The following CPQ variants were observed in gnomAD, a reference collection of about 807,000 sequenced individuals.
CPQ encodes the protein Ser-Met dipeptidase.
In CPQ, 37 loss-of-function variants were observed where a neutral mutation model predicts 45.7. The observed-to-expected ratio is 0.81, with a 90% CI of 0.62 to 1.07. The LOEUF (loss-of-function observed/expected upper bound fraction) is 1.07. Among genes scored for constraint, CPQ ranks in the 50% least tolerant of loss-of-function variants. The pLI is 0.00. For synonymous variants in CPQ, 186 were observed against 205.8 expected (o/e 0.90, Z 0.82); for missense variants, 537 against 572.9 (o/e 0.94, Z 0.64).
intron 4 of CPQ, among the ~76,000 whole-genome samples, chr8:96,926,565 TCTTCC>T (rs1812879661): frequency 2.8e-5 from 3 of 108,426 alleles, no homozygotes; most frequent in Admixed American, 1.9e-4. Flanking sequence ...TTCCTCTTCC[TCTTCC>T]TCTTCCTCTT....
chr8:97,050,858 A>C (rs953879240), intron 6 of CPQ, among the ~76,000 whole-genome samples: 6 of 152,206 alleles, frequency 3.9e-5, no homozygotes, highest in African/African-American at 1.4e-4. Context: ...TACTCTACTT[A>C]TTAGTCACTT....
chr8:96,874,851 T>C (rs1176044297), intron 3 of CPQ, among the ~76,000 whole-genome samples: 1 of 151,956 alleles, frequency 6.6e-6, no homozygotes, highest in Non-Finnish European at 1.5e-5. Flanking sequence ...TTATAATATA[T>C]ACCAAGGGGT....
intron 6 of CPQ, among the ~76,000 whole-genome samples, chr8:97,055,902 C>G (rs1284262611): frequency 6.6e-6 from 1 of 152,104 alleles, no homozygotes; most frequent in African/African-American, 2.4e-5. Flanking sequence ...AAGTTCAAGA[C>G]CAGCCTGGGC....
intron 5 of CPQ, among the ~76,000 whole-genome samples, chr8:97,014,808 C>T (rs985361518): frequency 2.6e-4 from 40 of 152,006 alleles, no homozygotes; most frequent in African/African-American, 9.7e-4. Context: ...ATTTTATACA[C>T]AAGGAAAATC....
intron 3 of CPQ, among the ~76,000 whole-genome samples, chr8:96,842,069 T>A (rs1186357730): frequency 6.6e-6 from 1 of 152,178 alleles, no homozygotes; most frequent in Non-Finnish European, 1.5e-5. Context: ...CATTTTGTAA[T>A]CAGAGGGCCA....
chr8:97,000,820 T>C (rs1189504336), intron 5 of CPQ, among the ~76,000 whole-genome samples: 2 of 152,232 alleles, frequency 1.3e-5, no homozygotes, highest in African/African-American at 4.8e-5. Flanking sequence ...ATCTATAAAT[T>C]ACTTTGGGCA....
intron 6 of CPQ, among the ~76,000 whole-genome samples, chr8:97,034,427 T>C (rs530320167): frequency 1.3e-5 from 2 of 152,202 alleles, no homozygotes; most frequent in Non-Finnish European, 2.9e-5. Context: ...TTAAAGTCCT[T>C]TTCACCATGT....
chr8:97,097,805 G>GGA (rs370633853), intron 7 of CPQ, among the ~76,000 whole-genome samples: 17,530 of 150,776 alleles, frequency 0.12, 1,695 homozygotes, highest in African/African-American at 0.26. Flanking sequence ...GCCCAGACAA[G>GGA]GAGAGAGAGA....
chr8:97,047,159 T>G (rs968922211), intron 6 of CPQ, among the ~76,000 whole-genome samples: 3 of 152,236 alleles, frequency 2.0e-5, no homozygotes, highest in Non-Finnish European at 4.4e-5. Context: ...TTGATGATAG[T>G]AATGACCCTG....
intron 5 of CPQ, among the ~76,000 whole-genome samples, chr8:96,991,657 A>G (rs1464527590): frequency 6.6e-6 from 1 of 151,878 alleles, no homozygotes; most frequent in Admixed American, 6.6e-5. Flanking sequence ...TCCCTGCTAC[A>G]TTGTCAGCTG....
In CPQ at chr8:96,835,194, T is replaced by C. The variant is rs1313946085; in HGVS notation, c.641+14T>C. On this transcript the variant is annotated intron_variant, in intron 3 of 7. Transcript: ENST00000220763. The stretch of plus-strand genomic sequence containing the variant: ...CTCCATCTACAGGTTTGTCACAATG[T>C]TCATTTGAATTCCTTTCAAAAACAA... 1 of 1,415,976 alleles carries C rather than the reference T, an allele frequency of 7.1e-7. No individual in the cohort carries two copies. Among genetic ancestry groups the C allele is most frequent in the Non-Finnish European group, 9.3e-7 (1 of 1,076,320 alleles). 87.7% of individuals were successfully genotyped at this position (1,415,976 alleles called of 1,614,324 possible). A position where few individuals can be genotyped will look rare whatever the true frequency, so the allele number is the denominator to read the frequency against.
intron 4 of CPQ, among the ~76,000 whole-genome samples, chr8:96,885,286 T>G (rs1295189530): frequency 6.6e-6 from 1 of 152,206 alleles, no homozygotes; most frequent in Non-Finnish European, 1.5e-5. Context: ...CCCATTCCTT[T>G]GATAATCATA....
At chr8:97,034,040 TA>T (rs1432937232) in intron 6 of CPQ, among the ~76,000 whole-genome samples, 1 of 152,200 alleles carries the variant, frequency 6.6e-6, no homozygotes, top group East Asian at 1.9e-4. Context: ...TCAGCTCAAT[TA>T]TTATAATACG....
chr8:96,896,479 C>G (rs1812444544), intron 4 of CPQ, among the ~76,000 whole-genome samples: 1 of 152,084 alleles, frequency 6.6e-6, no homozygotes, highest in East Asian at 1.9e-4. Context: ...CATACTGACC[C>G]CCTTTTCTAA....
At chr8:96,666,387 T>A (rs1266191857) in intron 1 of CPQ, among the ~76,000 whole-genome samples, 2 of 152,098 alleles carry the variant, frequency 1.3e-5, no homozygotes, top group Non-Finnish European at 2.9e-5. Context: ...ACATTAAGAA[T>A]ACAGAAAATA....
At chr8:96,752,308 T>C (rs549272650) in intron 1 of CPQ, among the ~76,000 whole-genome samples, 2 of 152,256 alleles carry the variant, frequency 1.3e-5, no homozygotes, top group South Asian at 4.1e-4. Flanking sequence ...ATTTATTTGA[T>C]CAGTGGTTTG....
rs563854999 is a variant in CPQ, at chr8:96,950,402, T to G, written c.850-15533T>G. 2.0e-5 allele frequency among the ~76,000 whole-genome samples: 3 copies of G among 152,242 alleles called. No individual in the cohort carries two copies. In the East Asian group the frequency reaches 5.8e-4, roughly 29 times the overall value. On this transcript the variant is annotated intron_variant, in intron 4 of 7. Transcript: ENST00000220763. ...AGATTGATTTATTGACCCTGCTGTA[T>G]GCCAGGCCTTGTGAGGAATACATGG...
intron 7 of CPQ, 51 bp from the exon 8 acceptor site, chr8:97,142,969 G>A: frequency 6.4e-7 from 1 of 1,573,632 alleles, no homozygotes; most frequent in Non-Finnish European, 8.7e-7. Flanking sequence ...TGTGTATTCA[G>A]CAGTGTCTGT....
chr8:96,761,652 C>G (rs1436674435), intron 1 of CPQ, among the ~76,000 whole-genome samples: 1 of 152,150 alleles, frequency 6.6e-6, no homozygotes, highest in Admixed American at 6.5e-5. Flanking sequence ...TTCTGTGTGA[C>G]CTTGAGCACA....
Sources: gnomAD v4.1 joint callset for allele counts (sites outside exome capture counted in the v4.1 genomes callset) on GRCh38, gnomAD v4.1.1 for gene constraint, MANE v1.5 for transcripts, NCBI Gene and HGNC (gene_info 2026-07-23, HGNC 2026-07-21) for gene names.